Variants in SRC observed in about 807,000 individuals in gnomAD.
SRC encodes SRC proto-oncogene, non-receptor tyrosine kinase.
SRC carries 13 observed loss-of-function variants against 62.9 expected under a neutral mutation model. The observed-to-expected ratio is 0.21, with a 90% CI of 0.13 to 0.33. SRC has a LOEUF of 0.33. Among genes scored for constraint, SRC ranks in the 10% least tolerant of loss-of-function variants. The probability of loss-of-function intolerance (pLI) is 1.00; values close to 1 mark genes in which losing one functional copy is unlikely to be tolerated. For synonymous variants in SRC, 302 were observed against 317.5 expected (o/e 0.95, Z 0.52); for missense variants, 457 against 737.3 (o/e 0.62, Z 4.40).
intron 7 of SRC, among the ~76,000 whole-genome samples, chr20:37,394,917 T>C (rs1286610280): frequency 3.3e-5 from 5 of 151,698 alleles, no homozygotes; most frequent in Admixed American, 1.3e-4. Context: ...CATCTGGGCG[T>C]GTGTGTGTGT....
chr20:37,359,555 G>C (rs866261801), intron 1 of SRC, among the ~76,000 whole-genome samples: 1 of 152,210 alleles, frequency 6.6e-6, no homozygotes, highest in Admixed American at 6.5e-5. Context: ...GCAGCTCCCT[G>C]GGGAGGGAAC....
chr20:37,362,668 G>A (rs1034034553), intron 1 of SRC, among the ~76,000 whole-genome samples: 1 of 151,784 alleles, frequency 6.6e-6, no homozygotes, highest in African/African-American at 2.4e-5. Context: ...CTGGCCTTGT[G>A]AGCTGCCCTA....
chr20:37,368,518 C>CTTTATTTTTTT (rs2070101214), intron 2 of SRC, among the ~76,000 whole-genome samples: 1 of 73,900 alleles, frequency 1.4e-5, no homozygotes, highest in Non-Finnish European at 2.7e-5. Flanking sequence ...CCTATATTTT[C>CTTTATTTTTTT]TTTTTTTTTT....
chr20:37,375,557 T>A (rs1326081665), intron 2 of SRC, among the ~76,000 whole-genome samples: 1 of 152,130 alleles, frequency 6.6e-6, no homozygotes, highest in Non-Finnish European at 1.5e-5. Flanking sequence ...TGTTTTTTTT[T>A]AGAGATGGTG....
rs964979341 is a variant in SRC, at chr20:37,397,464, C to G, written c.704-235C>G. 6.6e-6 allele frequency among the ~76,000 whole-genome samples: 1 copy of G among 152,196 alleles called. No individual in the cohort carries two copies. The highest frequency in any genetic ancestry group is 2.4e-5 in the African/African-American group (1 of 41,436). ...CCCTCCCCGCAGGGTTCCTGGCACC[C>G]CCTACTGTCTGCTGAATGACTGACT... is the stretch of plus-strand genomic sequence containing the variant. On this transcript the variant is annotated intron_variant, in intron 8 of 13. Transcript: ENST00000373578. The surrounding 1 kb of genome is among the most constrained non-coding windows in gnomAD (Gnocchi z 4.1).
chr20:37,383,692 C>G (rs574849908), intron 3 of SRC: 1 of 165,772 alleles, frequency 6.0e-6, no homozygotes, highest in East Asian at 1.9e-4. Context: ...GAGGCTAACT[C>G]TCCCAAAAAG....
intron 1 of SRC, among the ~76,000 whole-genome samples, chr20:37,356,602 T>A (rs1056711807): frequency 6.6e-6 from 1 of 152,016 alleles, no homozygotes; most frequent in Non-Finnish European, 1.5e-5. Context: ...TGGCAGGAAG[T>A]GGTGGAGACG....
At chr20:37,378,925 G>C (rs1261856151) in intron 2 of SRC, among the ~76,000 whole-genome samples, 5 of 151,870 alleles carry the variant, frequency 3.3e-5, no homozygotes, top group African/African-American at 1.2e-4. Context: ...CCCACACAGG[G>C]CTTGGCACGT....
Position 37,376,490 on chromosome 20 carries a change from G to A in SRC, c.-172-6129G>A, listed in dbSNP as rs182270848. On this transcript the variant is annotated intron_variant, in intron 2 of 13. Coordinates refer to ENST00000373578, the MANE Select transcript of SRC (RefSeq NM_198291.3). Reference sequence around the variant, plus strand: ...CATCTGAACCTGGCATTCTGGCCCCGGGCCACCTGTATATATATATACATA... The same window carrying A: ...CATCTGAACCTGGCATTCTGGCCCCAGGCCACCTGTATATATATATACATA... 7.9e-5 allele frequency among the ~76,000 whole-genome samples: 12 copies of A among 152,222 alleles called. No individual in the cohort carries two copies. The South Asian group carries it at 1.5e-3, about 18-fold the overall frequency.
intron 2 of SRC, among the ~76,000 whole-genome samples, chr20:37,376,559 A>C (rs1226146358): frequency 2.0e-5 from 3 of 152,212 alleles, no homozygotes; most frequent in African/African-American, 2.4e-5. Flanking sequence ...GCTGGAGTGC[A>C]ATGGCACAAT....
chr20:37,375,877 T>A (rs2070268422), intron 2 of SRC, among the ~76,000 whole-genome samples: 1 of 152,228 alleles, frequency 6.6e-6, no homozygotes, highest in Non-Finnish European at 1.5e-5. Flanking sequence ...GAGGACTCTC[T>A]TCCTGGTTTG....
At chr20:37,387,224 C>T (rs1396208086) in intron 5 of SRC, among the ~76,000 whole-genome samples, 1 of 152,224 alleles carries the variant, frequency 6.6e-6, no homozygotes, top group South Asian at 2.1e-4. Flanking sequence ...CTTCCCTTTG[C>T]CTGAAATGCC....
intron 1 of SRC, among the ~76,000 whole-genome samples, chr20:37,358,064 G>C (rs1247075513): frequency 6.6e-6 from 1 of 152,202 alleles, no homozygotes; most frequent in Non-Finnish European, 1.5e-5. Context: ...CAGGAACGAA[G>C]GGTTCAAACT....
chr20:37,399,421 C>T (rs1416498899), intron 9 of SRC, among the ~76,000 whole-genome samples: 1 of 152,206 alleles, frequency 6.6e-6, no homozygotes, highest in African/African-American at 2.4e-5. Flanking sequence ...GTACACATTG[C>T]ATTTGCTAAC....
rs1195843092 is a variant in SRC, at chr20:37,382,684, A to G, written c.-107A>G. ...AGGGACACACAGCGGGGAGAGGTGG[A>G]GCAGGGCCTCTATTTCGAGACCCCT... On this transcript the variant is annotated 5_prime_UTR_variant, in exon 3 of 14. Coordinates refer to ENST00000373578, the MANE Select transcript of SRC (RefSeq NM_198291.3). 2 of 152,208 alleles carry G rather than the reference A, an allele frequency of 1.3e-5. No individual in the cohort carries two copies. The highest frequency in any genetic ancestry group is 4.8e-5 in the African/African-American group (2 of 41,446). The allele number at this position is 152,208 out of a possible 1,614,324, so 9.4% of individuals were successfully genotyped here.
At chr20:37,345,563 C>T (rs2069704048), upstream of SRC, among the ~76,000 whole-genome samples, 1 of 152,350 alleles carries the variant, frequency 6.6e-6, no homozygotes, top group East Asian at 1.9e-4. Context: ...GTCCCTCCTG[C>T]CCCAGCCCCT....
Position 37,396,439 on chromosome 20 carries a change from C to G in SRC, c.703+128C>G. The G allele has an allele frequency of 1.9e-6, 2 of 1,078,376 alleles. No individual in the cohort carries two copies. The highest frequency in any genetic ancestry group is 3.1e-5 in the South Asian group (2 of 63,912). The allele number at this position is 1,078,376 out of a possible 1,614,324, so 66.8% of individuals were successfully genotyped here. On this transcript the variant is annotated intron_variant, in intron 8 of 13. Coordinates refer to ENST00000373578, the MANE Select transcript of SRC (RefSeq NM_198291.3). This position sits in a 1 kb window ranked among gnomAD's most constrained non-coding sequence, Gnocchi z 6.1. ...GCTTCTCTCCCCACTTCCCCCTCCC[C>G]CCTCCCTTCCTCTCTCCTCCCTTTT...
At chr20:37,362,195 T>C (rs1269519822) in intron 1 of SRC, among the ~76,000 whole-genome samples, 1 of 152,026 alleles carries the variant, frequency 6.6e-6, no homozygotes, top group Non-Finnish European at 1.5e-5. Context: ...GCTGGAACTC[T>C]TGGGCACCAC....
In SRC at chr20:37,404,242, C is replaced by T. The variant is rs371230783; in HGVS notation, c.*863C>T. The T allele has an allele frequency of 8.6e-5, 20 of 233,518 alleles. No homozygotes were observed. The highest frequency in any genetic ancestry group is 1.2e-4 in the Non-Finnish European group (14 of 118,050). 14.5% of individuals were successfully genotyped at this position (233,518 alleles called of 1,614,324 possible). A position where few individuals can be genotyped will look rare whatever the true frequency, so the allele number is the denominator to read the frequency against. On this transcript the variant is annotated 3_prime_UTR_variant, in exon 14 of 14. Transcript: ENST00000373578. Reference sequence around the variant, plus strand: ...ATTCGAGATGGCAGATTCCCACTGCCGCTGCCCGCTCAGCCCAGCTGTTGG... The same window carrying T: ...ATTCGAGATGGCAGATTCCCACTGCTGCTGCCCGCTCAGCCCAGCTGTTGG...
Sources: allele counts gnomAD v4.1 joint callset (sites outside exome capture counted in the v4.1 genomes callset), GRCh38; gene constraint gnomAD v4.1.1; non-coding constraint Gnocchi (gnomAD v3.1); transcripts MANE v1.5; gene names NCBI Gene and HGNC (gene_info 2026-07-23, HGNC 2026-07-21).